The following COL12A1 variants were observed in gnomAD, a reference collection of about 807,000 sequenced individuals.
COL12A1 encodes the protein collagen alpha-1(XII) chain.
COL12A1 carries 114 observed loss-of-function variants against 349.7 expected under a neutral mutation model. The ratio of observed to expected loss-of-function variants is 0.33; its 90% CI spans 0.28 to 0.38. COL12A1 has a LOEUF of 0.38. Among genes scored for constraint, COL12A1 ranks in the 10% least tolerant of loss-of-function variants. The probability of loss-of-function intolerance (pLI) is 1.00; values close to 1 mark genes in which losing one functional copy is unlikely to be tolerated. For missense variants in COL12A1, 3,284 were observed against 3,756.9 expected (o/e 0.87, Z 3.29); for synonymous variants, 1,369 against 1,329.0 (o/e 1.03, Z -0.66).
Position 75,183,280 on chromosome 6 carries a change from G to A in COL12A1, c.1661C>T (p.Ser554Leu). The A allele has an allele frequency of 6.2e-7, 1 of 1,614,196 alleles. No homozygotes were observed. Among genetic ancestry groups the A allele is most frequent in the Non-Finnish European group, 8.5e-7 (1 of 1,180,030 alleles). ...VMILITDGKS[S>L]DAFRDPAIKL... ...TATCGCAGGATCTCTGAAAGCATCTGATGATTTCCCATCCGTGATAAGAAT... is the reference window on the plus strand; with the variant it reads ...TATCGCAGGATCTCTGAAAGCATCTAATGATTTCCCATCCGTGATAAGAAT... The change falls in exon 10 of 66, where the codon TCA becomes TTA. Residue 554 changes from serine to leucine, a missense_variant. Coordinates refer to ENST00000322507, the MANE Select transcript of COL12A1 (RefSeq NM_004370.6).
intron 59 of COL12A1, 53 bp downstream of exon 59, chr6:75,097,200 A>T: frequency 6.7e-7 from 1 of 1,490,118 alleles, no homozygotes; most frequent in Non-Finnish European, 9.3e-7. Context: ...TAGCAAAATG[A>T]GGTGAGAGGG....
chr6:75,179,743 A>G (rs572103801), intron 11 of COL12A1, among the ~76,000 whole-genome samples: 12 of 152,218 alleles, frequency 7.9e-5, no homozygotes, highest in Non-Finnish European at 1.3e-4. Context: ...AGAACAATTG[A>G]CATCTATTGT....
intron 23 of COL12A1, 175 bp from the exon 24 acceptor site, chr6:75,146,419 G>A: frequency 1.8e-6 from 1 of 570,560 alleles, no homozygotes; most frequent in Non-Finnish European, 2.7e-6. Context: ...AATTTACATT[G>A]CTCATTGCAC....
At chr6:75,161,459 A>T (rs761567087) in intron 14 of COL12A1, among the ~76,000 whole-genome samples, 1 of 152,160 alleles carries the variant, frequency 6.6e-6, no homozygotes, top group Non-Finnish European at 1.5e-5. Context: ...GAACCTGAGA[A>T]TATGGAGGGC....
chr6:75,096,851 C>G (rs575396414), intron 59 of COL12A1, among the ~76,000 whole-genome samples: 4 of 149,108 alleles, frequency 2.7e-5, no homozygotes, highest in Admixed American at 1.3e-4. Context: ...AGCCGAGATC[C>G]CGCCACTGCA....
intron 2 of COL12A1, among the ~76,000 whole-genome samples, 200 bp downstream of exon 2, chr6:75,202,520 A>G (rs1161833035): frequency 1.3e-5 from 2 of 152,228 alleles, no homozygotes; most frequent in Admixed American, 6.5e-5. Context: ...TGCATTAAGC[A>G]GAATACGAAA....
chr6:75,167,044 C>T (rs1378789067), intron 13 of COL12A1, among the ~76,000 whole-genome samples: 1 of 152,110 alleles, frequency 6.6e-6, no homozygotes, highest in African/African-American at 2.4e-5. Context: ...TTCACTGGAA[C>T]AAAGAATACT....
At chr6:75,183,765 T>C (rs143980984) in intron 9 of COL12A1, 89 bp downstream of exon 9, 1 of 1,548,156 alleles carries the variant, frequency 6.5e-7, no homozygotes, top group Non-Finnish European at 8.7e-7. Context: ...TTGCAAATAT[T>C]TCATTCAAAA....
intron 38 of COL12A1, among the ~76,000 whole-genome samples, chr6:75,126,673 G>C (rs1766032945): frequency 6.6e-6 from 1 of 152,086 alleles, no homozygotes; most frequent in Non-Finnish European, 1.5e-5. Flanking sequence ...AACTCAAATA[G>C]ACTCAAGAAC....
Position 75,194,844 on chromosome 6 carries a change from C to A in COL12A1, c.177G>T (p.Val59=). The A allele has an allele frequency of 1.2e-6, 2 of 1,608,554 alleles. No individual in the cohort carries two copies. The highest frequency in any genetic ancestry group is 1.7e-6 in the Non-Finnish European group (2 of 1,176,518). ...CTCAAAACTTACCCGTTGTAGGGTCCACCGTTATTCTGTAACCCACAATTG... is the reference window on the plus strand; with the variant it reads ...CTCAAAACTTACCCGTTGTAGGGTCAACCGTTATTCTGTAACCCACAATTG... The part of the protein sequence containing the change: ...VDPIVGYRIT[V]DPTTDGPTKE... Residue 59 remains valine (V), a synonymous_variant, in exon 3 of 66, where the codon GTG becomes GTT. Coordinates refer to ENST00000322507, the MANE Select transcript of COL12A1 (RefSeq NM_004370.6).
At chr6:75,189,075 TAA>T (rs1769786079) in intron 7 of COL12A1, 140 bp downstream of exon 7, 3 of 865,022 alleles carry the variant, frequency 3.5e-6, no homozygotes, top group Non-Finnish European at 5.1e-6. Context: ...AAAGACAATT[TAA>T]GTCTTTAATA....
chr6:75,151,353 T>C (rs1582138036), intron 20 of COL12A1, 66 bp from the exon 21 acceptor site: 1 of 1,467,480 alleles, frequency 6.8e-7, no homozygotes, highest in East Asian at 2.3e-5. Context: ...ATGAAGCAAA[T>C]GATTTACGGC....
intron 3 of COL12A1, among the ~76,000 whole-genome samples, chr6:75,193,950 C>T (rs1430701347): frequency 6.6e-6 from 1 of 152,136 alleles, no homozygotes. Context: ...CATATATGTG[C>T]CACATTTTCT....
At chr6:75,107,518 G>A (rs1442926440) in intron 52 of COL12A1, among the ~76,000 whole-genome samples, 4 of 151,830 alleles carry the variant, frequency 2.6e-5, no homozygotes, top group Non-Finnish European at 4.4e-5. Context: ...TGATCCACCC[G>A]CCTCGGCCTC....
intron 59 of COL12A1, among the ~76,000 whole-genome samples, chr6:75,096,789 G>A (rs1280020754): frequency 6.6e-6 from 1 of 150,736 alleles, no homozygotes; most frequent in Non-Finnish European, 1.5e-5. Context: ...CCAGCTACTC[G>A]GGAGGCTGAG....
chr6:75,139,326 T>C lies in COL12A1; in HGVS notation c.4958-365A>G, dbSNP rs138309915. On this transcript the variant is annotated intron_variant, in intron 27 of 65. Transcript: ENST00000322507. ...TAATGGACCTTCTCCAGTCTATCAA[T>C]AACCCCAAAGACACACATAGACTCT... 6.2e-3 allele frequency among the ~76,000 whole-genome samples: 948 copies of C among 152,282 alleles called. 3 individuals are homozygous for C. The highest frequency in any genetic ancestry group is 0.017 in the Middle Eastern group (5 of 294).
At position 75,132,019 on chromosome 6, in the gene COL12A1, C is replaced by A. The variant is rs367908043; in HGVS notation, c.5858G>T (p.Arg1953Leu). 2.5e-6 allele frequency: 4 copies of A among 1,614,098 alleles called. No homozygotes were observed. The highest frequency in any genetic ancestry group is 3.4e-6 in the Non-Finnish European group (4 of 1,179,978). The change falls in exon 35 of 66, where the codon CGC becomes CTC. Residue 1953 changes from arginine to leucine, a missense_variant. Coordinates refer to ENST00000322507, the MANE Select transcript of COL12A1 (RefSeq NM_004370.6). ...YNPTPNSLDV[R>L]WDPAPGPVLQ... The stretch of plus-strand genomic sequence containing the variant: ...CACAGGTCCTGGAGCAGGGTCCCAG[C>A]GAACATCGAGGCTGTTAGGTGTAGG...
At chr6:75,099,949 G>C (rs1349869226) in intron 58 of COL12A1, among the ~76,000 whole-genome samples, 1 of 151,958 alleles carries the variant, frequency 6.6e-6, no homozygotes, top group African/African-American at 2.4e-5. Context: ...GTTTTGTTTT[G>C]TTTCAGCTGA....
Position 75,183,909 on chromosome 6 carries a change from T to G in COL12A1, c.1233A>C (p.Thr411=). The change falls in exon 9 of 66, where the codon ACA becomes ACC. Residue 411 remains threonine (T), a synonymous_variant. Transcript: ENST00000322507. Reference sequence around the variant, plus strand: ...CCATTATTGAAATGGGTTCACTGGATGTCATTCCCTTCATGGCGGAAACAC... The same window carrying G: ...CCATTATTGAAATGGGTTCACTGGAGGTCATTCCCTTCATGGCGGAAACAC... ...QISVSAMKGM[T]SSEPISIMEK... 2 of 1,614,200 alleles carry G rather than the reference T, an allele frequency of 1.2e-6. No homozygotes were observed. The highest frequency in any genetic ancestry group is 2.2e-5 in the South Asian group (2 of 91,088).
Sources: allele counts gnomAD v4.1 joint callset (sites outside exome capture counted in the v4.1 genomes callset), GRCh38; gene constraint gnomAD v4.1.1; transcripts MANE v1.5; gene names NCBI Gene and HGNC (gene_info 2026-07-23, HGNC 2026-07-21).